The following PLCH1 variants were observed in gnomAD, a reference collection of about 807,000 sequenced individuals.
PLCH1 encodes 1-phosphatidylinositol 4,5-bisphosphate phosphodiesterase eta-1.
Under a neutral mutation model 126.7 loss-of-function variants are expected in PLCH1, and 60 were observed. That is an observed-to-expected ratio of 0.47 (90% CI 0.38 to 0.59). The LOEUF is 0.59. Among genes scored for constraint, PLCH1 ranks in the 20% least tolerant of loss-of-function variants. The pLI, the probability that PLCH1 is intolerant of heterozygous loss-of-function variation, is 0.00. For synonymous variants in PLCH1, 719 were observed against 734.9 expected (o/e 0.98, Z 0.35); for missense variants, 1,723 against 2,040.0 (o/e 0.84, Z 2.99).
At chr3:155,564,581 A>T (rs937220562) in intron 8 of PLCH1, among the ~76,000 whole-genome samples, 17 of 152,102 alleles carry the variant, frequency 1.1e-4, no homozygotes, top group Admixed American at 1.1e-3. Flanking sequence ...ATAAAAAATT[A>T]AAAAATTAAA....
chr3:155,744,535 C>A (rs1413705607), intron 1 of PLCH1, among the ~76,000 whole-genome samples: 2 of 152,084 alleles, frequency 1.3e-5, no homozygotes, highest in African/African-American at 4.8e-5. Context: ...TTCCACCGGG[C>A]GAAACGCCAC....
At position 155,727,338 on chromosome 3, in the gene PLCH1, GA is replaced by G. The variant is rs377298733; in HGVS notation, c.-41+17501del. On this transcript the variant is annotated intron_variant, in intron 1 of 22. Coordinates refer to ENST00000460012, the MANE Select transcript of PLCH1 (RefSeq NM_014996.4). ...TAAAAAATAGATTTCACCAAAAAAG[GA>G]AAAAAAAATGGGTTCTGCTCAGTAC... is the stretch of plus-strand genomic sequence containing the variant. 2.3e-3 allele frequency among the ~76,000 whole-genome samples: 339 copies of G among 145,602 alleles called. 1 individual carries two copies. Among genetic ancestry groups the G allele is most frequent in the African/African-American group, 7.9e-3 (313 of 39,744 alleles).
intron 14 of PLCH1, among the ~76,000 whole-genome samples, chr3:155,500,007 A>G (rs991869359): frequency 2.0e-5 from 3 of 152,128 alleles, no homozygotes; most frequent in African/African-American, 7.2e-5. Context: ...AATAAAGGCA[A>G]AAGTGTGTAT....
chr3:155,680,653 A>C (rs358896), intron 2 of PLCH1, among the ~76,000 whole-genome samples: 29,615 of 152,204 alleles, frequency 0.19, 3,238 homozygotes, highest in East Asian at 0.43. Flanking sequence ...TCATCAGGCA[A>C]GATGCAGCAA....
intron 1 of PLCH1, among the ~76,000 whole-genome samples, chr3:155,726,525 GA>G (rs1748335896): frequency 6.6e-6 from 1 of 151,976 alleles, no homozygotes; most frequent in Non-Finnish European, 1.5e-5. Context: ...TCTATGTGTG[GA>G]TTTCTTTTTA....
In PLCH1 at chr3:155,480,145, A is replaced by G. The variant is rs1043748646; in HGVS notation, c.*823T>C. ...TTTGGGGAAGTTTTCAATTTGTGCT[A>G]CTATTATCATTAGAGTCTGATGGAA... is the stretch of plus-strand genomic sequence containing the variant. On this transcript the variant is annotated 3_prime_UTR_variant, in exon 23 of 23. Transcript: ENST00000460012. 1.3e-5 allele frequency: 2 copies of G among 152,634 alleles called. No individual in the cohort carries two copies. The highest frequency in any genetic ancestry group is 1.3e-4 in the Admixed American group (2 of 15,288). 9.5% of individuals were successfully genotyped at this position (152,634 alleles called of 1,614,324 possible). A position where few individuals can be genotyped will look rare whatever the true frequency, so the allele number is the denominator to read the frequency against.
rs1454836442 is a variant in PLCH1 at position 155,480,968 on chromosome 3, TCA to T, written c.5056_5057del (p.Ter1686AsnfsTer8). 6.4e-7 allele frequency: 1 copy of T among 1,572,356 alleles called. No individual in the cohort carries two copies. Among genetic ancestry groups the T allele is most frequent in the Non-Finnish European group, 8.7e-7 (1 of 1,154,474 alleles). ...CCTTAAGAATGCAGTTTTAAATAAT[TCA>T]CAGTCTCAAAAGAAAATAAATTTCT... ...KPEIYFLLRL[*>X] On this transcript the variant is annotated frameshift_variant and stop_lost, in exon 23 of 23. Coordinates refer to ENST00000460012, the MANE Select transcript of PLCH1 (RefSeq NM_014996.4). LOFTEE classifies it high-confidence loss of function.
intron 1 of PLCH1, among the ~76,000 whole-genome samples, chr3:155,713,766 C>G (rs2109112684): frequency 6.6e-6 from 1 of 152,278 alleles, no homozygotes; most frequent in Non-Finnish European, 1.5e-5. Flanking sequence ...CTTCAGCTGC[C>G]TCATCTATGT....
At chr3:155,544,654 A>C (rs1221133122) in intron 10 of PLCH1, among the ~76,000 whole-genome samples, 1 of 152,204 alleles carries the variant, frequency 6.6e-6, no homozygotes, top group Non-Finnish European at 1.5e-5. Flanking sequence ...TCTCCTCAGC[A>C]AATGTAAAAG....
chr3:155,624,137 C>G (rs1200826784), intron 2 of PLCH1, among the ~76,000 whole-genome samples: 1 of 151,654 alleles, frequency 6.6e-6, no homozygotes, highest in Admixed American at 6.6e-5. Context: ...TAAACAGAAC[C>G]AATGACAAAA....
intron 2 of PLCH1, among the ~76,000 whole-genome samples, chr3:155,688,490 C>G (rs1745122511): frequency 6.6e-6 from 1 of 152,194 alleles, no homozygotes; most frequent in South Asian, 2.1e-4. Flanking sequence ...TGCTGGGACA[C>G]CAAATTTTAA....
intron 2 of PLCH1, among the ~76,000 whole-genome samples, chr3:155,697,633 T>C (rs561247380): frequency 5.5e-4 from 84 of 152,250 alleles, no homozygotes; most frequent in African/African-American, 1.9e-3. Context: ...TTCAAGTCCT[T>C]TCAGTCTGTA....
intron 1 of PLCH1, among the ~76,000 whole-genome samples, chr3:155,741,317 T>C (rs1749605505): frequency 6.6e-6 from 1 of 152,152 alleles, no homozygotes; most frequent in Admixed American, 6.5e-5. Context: ...GAGGAGGCAT[T>C]GTTCAAAGTA....
chr3:155,486,201 G>A lies in PLCH1; in HGVS notation c.2620-491C>T, dbSNP rs761174146. The A allele has an allele frequency of 6.5e-6, 10 of 1,542,214 alleles. 1 individual carries two copies. The South Asian group carries it at 1.2e-4, about 18-fold the overall frequency. Reference sequence around the variant, plus strand: ...TATAACTGGGGTTGAGTATTAAAGGGCTCCACTGTAAAGGAAAAAAACAAA... The same window carrying A: ...TATAACTGGGGTTGAGTATTAAAGGACTCCACTGTAAAGGAAAAAAACAAA... On this transcript the variant is annotated intron_variant, in intron 21 of 22. Coordinates refer to ENST00000460012, the MANE Select transcript of PLCH1 (RefSeq NM_014996.4).
intron 2 of PLCH1, among the ~76,000 whole-genome samples, chr3:155,680,608 C>T (rs1479545250): frequency 6.6e-6 from 1 of 152,108 alleles, no homozygotes; most frequent in African/African-American, 2.4e-5. Flanking sequence ...TTAAGTTGTA[C>T]ATTGAGAGCA....
chr3:155,737,348 T>A (rs1749277902), intron 1 of PLCH1, among the ~76,000 whole-genome samples: 2 of 151,896 alleles, frequency 1.3e-5, no homozygotes, highest in African/African-American at 4.8e-5. Flanking sequence ...TTTTTCTTTG[T>A]TGAGACAGGG....
chr3:155,526,452 T>C (rs1473440717), intron 10 of PLCH1, among the ~76,000 whole-genome samples: 1 of 148,708 alleles, frequency 6.7e-6, no homozygotes, highest in African/African-American at 2.5e-5. Flanking sequence ...TTTTTCTCTC[T>C]CTCTTCTCTC....
chr3:155,625,112 T>C (rs1387488634), intron 2 of PLCH1, among the ~76,000 whole-genome samples: 1 of 152,162 alleles, frequency 6.6e-6, no homozygotes, highest in Non-Finnish European at 1.5e-5. Context: ...ATCTGATCTT[T>C]GACAAACCTG....
downstream of PLCH1, among the ~76,000 whole-genome samples, chr3:155,479,378 C>T (rs1713694785): frequency 6.6e-6 from 1 of 152,180 alleles, no homozygotes; most frequent in African/African-American, 2.4e-5. Flanking sequence ...ACCAGACTCC[C>T]AGTGCCTGTC....
Sources: gnomAD v4.1 joint callset for allele counts (sites outside exome capture counted in the v4.1 genomes callset) on GRCh38, gnomAD v4.1.1 for gene constraint, MANE v1.5 for transcripts, NCBI Gene and HGNC (gene_info 2026-07-23, HGNC 2026-07-21) for gene names.